Variants in CCDC149 observed in about 807,000 individuals in gnomAD.
The protein encoded by CCDC149 is coiled-coil domain-containing protein 149.
A neutral mutation model predicts 59.9 loss-of-function variants in CCDC149; 45 were observed. The observed-to-expected ratio is 0.75, with a 90% CI of 0.59 to 0.96. CCDC149 has a LOEUF of 0.96. Ranked by LOEUF, CCDC149 falls within the 40% of genes least tolerant of loss-of-function variation. The probability of loss-of-function intolerance (pLI) is 0.00; values close to 1 mark genes in which losing one functional copy is unlikely to be tolerated. For synonymous variants in CCDC149, 245 were observed against 260.6 expected (o/e 0.94, Z 0.58); for missense variants, 584 against 664.7 (o/e 0.88, Z 1.33).
chr4:24,851,419 C>T (rs188698092), intron 4 of CCDC149, among the ~76,000 whole-genome samples: 3 of 152,208 alleles, frequency 2.0e-5, no homozygotes, highest in African/African-American at 4.8e-5. Flanking sequence ...CGTGCCACCA[C>T]GCCTGGCTGC....
chr4:24,866,924 C>T (rs780725774), intron 3 of CCDC149, among the ~76,000 whole-genome samples: 4 of 151,946 alleles, frequency 2.6e-5, no homozygotes, highest in Non-Finnish European at 5.9e-5. Flanking sequence ...GGTTCTCTAC[C>T]ACTCCTAAGC....
At chr4:24,871,781 T>C (rs565736281) in intron 3 of CCDC149, among the ~76,000 whole-genome samples, 8 of 152,314 alleles carry the variant, frequency 5.3e-5, no homozygotes, top group African/African-American at 1.7e-4. Flanking sequence ...GTTTATGTCA[T>C]TGAACTTGTA....
intron 1 of CCDC149, among the ~76,000 whole-genome samples, chr4:24,887,685 T>C (rs1252154263): frequency 3.3e-5 from 5 of 152,130 alleles, no homozygotes; most frequent in Non-Finnish European, 7.3e-5. Context: ...CTGGAACCTC[T>C]GTTTTGCTCT....
chr4:24,856,099 C>A (rs1717986234), intron 3 of CCDC149, among the ~76,000 whole-genome samples: 3 of 152,182 alleles, frequency 2.0e-5, no homozygotes, highest in African/African-American at 7.2e-5. Flanking sequence ...CTCAACTGTG[C>A]CCACTCCGTG....
At chr4:24,857,471 A>G (rs1318302252) in intron 3 of CCDC149, among the ~76,000 whole-genome samples, 2 of 152,236 alleles carry the variant, frequency 1.3e-5, no homozygotes, top group African/African-American at 4.8e-5. Flanking sequence ...CATGGACCAG[A>G]AACAATTAGG....
chr4:24,917,783 G>C (rs1228368417), upstream of CCDC149, among the ~76,000 whole-genome samples: 1 of 152,136 alleles, frequency 6.6e-6, no homozygotes, highest in Non-Finnish European at 1.5e-5. Flanking sequence ...ATTCAAATTT[G>C]TTGTACTTAT....
chr4:24,924,758 A>C (rs183959748), intron 1 of CCDC149, among the ~76,000 whole-genome samples: 4 of 152,272 alleles, frequency 2.6e-5, no homozygotes, highest in African/African-American at 9.6e-5. Context: ...ATTCAACATC[A>C]TTTCCACCAC....
intron 1 of CCDC149, among the ~76,000 whole-genome samples, chr4:24,919,181 T>C (rs1722215447): frequency 6.6e-6 from 1 of 152,232 alleles, no homozygotes; most frequent in Admixed American, 6.5e-5. Flanking sequence ...GGGTCTCCTT[T>C]AACATACTGG....
Position 24,838,289 on chromosome 4 carries a change from T to C in CCDC149, c.373-17A>G. On this transcript the variant is annotated splice_polypyrimidine_tract_variant and intron_variant, in intron 4 of 12. Coordinates refer to ENST00000635206, the MANE Select transcript of CCDC149 (RefSeq NM_001330643.2). Reference sequence around the variant, plus strand: ...CCTCAAGAGCTGCATTTTCCATTGGTAGAAAAAGAAAAAGGCACAGAGAAT... The same window carrying C: ...CCTCAAGAGCTGCATTTTCCATTGGCAGAAAAAGAAAAAGGCACAGAGAAT... The C allele has an allele frequency of 6.3e-7, 1 of 1,589,940 alleles. No individual in the cohort carries two copies. The highest frequency in any genetic ancestry group is 8.6e-7 in the Non-Finnish European group (1 of 1,158,568).
chr4:24,814,731 G>A (rs964274755), intron 12 of CCDC149, among the ~76,000 whole-genome samples: 6 of 152,126 alleles, frequency 3.9e-5, no homozygotes, highest in South Asian at 2.1e-4. Flanking sequence ...CCAGTGTCTC[G>A]GCAGCAAAGC....
Position 24,808,600 on chromosome 4 carries a change from G to A in CCDC149, c.1412C>T (p.Ala471Val), listed in dbSNP as rs1391694308. Reference sequence around the variant, plus strand: ...CTCTCTTCTGACCTCTTCCAGTTCTGCAGCTGCCTGTTCCTTTGTCAGTTT... The same window carrying A: ...CTCTCTTCTGACCTCTTCCAGTTCTACAGCTGCCTGTTCCTTTGTCAGTTT... The change falls in exon 13 of 13, where the codon GCA (alanine) becomes GTA (valine). Residue 471 changes from alanine to valine, a missense_variant. Transcript: ENST00000635206. 2 of 1,552,086 alleles carry A rather than the reference G, an allele frequency of 1.3e-6. No individual in the cohort carries two copies. The highest frequency in any genetic ancestry group is 1.7e-6 in the Non-Finnish European group (2 of 1,147,108).
chr4:24,956,913 A>G (rs1245972822), intron 1 of CCDC149, among the ~76,000 whole-genome samples: 2 of 152,214 alleles, frequency 1.3e-5, no homozygotes, highest in Non-Finnish European at 2.9e-5. Context: ...CCAGAGCATG[A>G]AAGAGCTCTG....
At chr4:24,938,084 A>G (rs150790346) in intron 1 of CCDC149, among the ~76,000 whole-genome samples, 8 of 152,264 alleles carry the variant, frequency 5.3e-5, no homozygotes, top group African/African-American at 1.9e-4. Context: ...TGATGGGTGG[A>G]GTAGTTTAAT....
intron 1 of CCDC149, among the ~76,000 whole-genome samples, chr4:24,941,856 A>G (rs1441074204): frequency 6.6e-6 from 1 of 152,220 alleles, no homozygotes; most frequent in Non-Finnish European, 1.5e-5. Flanking sequence ...GAAGAAGTTG[A>G]ATCTCTGAAT....
chr4:24,858,437 T>C (rs1339551150), intron 3 of CCDC149, among the ~76,000 whole-genome samples: 1 of 152,206 alleles, frequency 6.6e-6, no homozygotes, highest in East Asian at 1.9e-4. Context: ...GAGCCAACAT[T>C]AAAGGTTGAC....
At chr4:24,883,778 T>C (rs779962794) in intron 1 of CCDC149, among the ~76,000 whole-genome samples, 4 of 152,216 alleles carry the variant, frequency 2.6e-5, no homozygotes, top group Non-Finnish European at 5.9e-5. Flanking sequence ...ACGTTCCCAT[T>C]TGACAGTCAA....
At chr4:24,811,061 T>C (rs1190374722) in intron 12 of CCDC149, among the ~76,000 whole-genome samples, 1 of 152,218 alleles carries the variant, frequency 6.6e-6, no homozygotes, top group African/African-American at 2.4e-5. Context: ...TTCTTTCTGA[T>C]AATATGCACT....
rs544599886 is a variant in CCDC149 at position 24,813,395 on chromosome 4, C to T, written c.1193-4576G>A. 3.3e-5 allele frequency among the ~76,000 whole-genome samples: 5 copies of T among 151,096 alleles called. No individual in the cohort carries two copies. The South Asian group carries it at 6.3e-4, about 19-fold the overall frequency. ...TTCAGAAATGTTCCTTGCATCTGCC[C>T]ACTCTTCTCCTTGCCCAATACCAAA... On this transcript the variant is annotated intron_variant, in intron 12 of 12. Coordinates refer to ENST00000635206, the MANE Select transcript of CCDC149 (RefSeq NM_001330643.2).
At chr4:24,969,033 G>T (rs1723885050) in intron 1 of CCDC149, among the ~76,000 whole-genome samples, 1 of 152,240 alleles carries the variant, frequency 6.6e-6, no homozygotes, top group African/African-American at 2.4e-5. Flanking sequence ...ATATGACCTT[G>T]TGGCTACACC....
Sources: gnomAD v4.1 joint callset for allele counts (sites outside exome capture counted in the v4.1 genomes callset) on GRCh38, gnomAD v4.1.1 for gene constraint, MANE v1.5 for transcripts, NCBI Gene and HGNC (gene_info 2026-07-23, HGNC 2026-07-21) for gene names.